The following GRB10 variants were observed in gnomAD, a reference collection of about 807,000 sequenced individuals.
The protein encoded by GRB10 is growth factor receptor bound protein 10, also known as growth factor receptor-bound protein 10.
In GRB10, 20 loss-of-function variants were observed where a neutral mutation model predicts 80.9. That is an observed-to-expected ratio of 0.25 (90% CI 0.17 to 0.36). The LOEUF (loss-of-function observed/expected upper bound fraction) is 0.36, where lower values mean the gene tolerates loss of function less well. Among genes scored for constraint, GRB10 ranks in the 10% least tolerant of loss-of-function variants. The pLI, the probability that GRB10 is intolerant of heterozygous loss-of-function variation, is 1.00. For missense variants in GRB10, 548 were observed against 747.7 expected, an observed-to-expected ratio of 0.73 and a Z score of 3.12; for synonymous variants, 291 against 291.5, an observed-to-expected ratio of 1.00 and a Z score of 0.02.
At chr7:50,667,260 C>T (rs1330450827) in intron 7 of GRB10, among the ~76,000 whole-genome samples, 1 of 152,182 alleles carries the variant, frequency 6.6e-6, no homozygotes, top group Non-Finnish European at 1.5e-5. Flanking sequence ...AATCACCTCA[C>T]TATCCCATTA....
intron 7 of GRB10, among the ~76,000 whole-genome samples, chr7:50,666,179 C>A (rs538146753): frequency 6.6e-6 from 1 of 152,278 alleles, no homozygotes; most frequent in African/African-American, 2.4e-5. Flanking sequence ...CTTAGACTAC[C>A]AACTACTCCA....
intron 7 of GRB10, among the ~76,000 whole-genome samples, chr7:50,663,736 A>G (rs145299523): frequency 2.0e-5 from 3 of 152,312 alleles, no homozygotes; most frequent in Non-Finnish European, 4.4e-5. Context: ...TATTTAATGT[A>G]ATCCTTTTTA....
In GRB10 at chr7:50,614,871, G is replaced by A; in HGVS notation, c.994C>T (p.His332Tyr). The A allele has an allele frequency of 1.2e-6, 2 of 1,611,676 alleles. No individual in the cohort carries two copies. Among genetic ancestry groups the A allele is most frequent in the Non-Finnish European group, 1.7e-6 (2 of 1,177,856 alleles). ...TCCAGGTCGGCCAGCAGCTGCAGGT[G>A]TCTGGGTTCCTGTGACAACACTGGC... ...STKGTSKEPRHLQLLADLEDS... is the reference protein window; with the variant it reads ...STKGTSKEPRYLQLLADLEDS... The change falls in exon 12 of 19, where the codon CAC (histidine) becomes TAC (tyrosine). Residue 332 changes from histidine to tyrosine, a missense_variant. Around this residue, in one of 4 missense-constraint regions of GRB10, gnomAD observed 270 missense variants for 433.6 expected, o/e 0.62. Transcript: ENST00000401949.
chr7:50,645,683 T>C (rs2057068626), intron 7 of GRB10: 1 of 923,006 alleles, frequency 1.1e-6, no homozygotes, highest in African/African-American at 1.8e-5. Context: ...ATCAGACCTC[T>C]TGGGGTCTGT....
intron 3 of GRB10, among the ~76,000 whole-genome samples, chr7:50,743,620 A>T (rs111977975): frequency 1.3e-5 from 2 of 152,320 alleles, no homozygotes; most frequent in Non-Finnish European, 2.9e-5. Context: ...CTGCATAGTT[A>T]ATTTGAGATA....
rs149911065 is a variant in GRB10 at position 50,612,098 on chromosome 7, C to T, written c.1194+643G>A. ...GGGCATTACTCTATATGCAGTACCACGTGATAAATTTCCTTTAGAACTTAC... is the reference window on the plus strand; with the variant it reads ...GGGCATTACTCTATATGCAGTACCATGTGATAAATTTCCTTTAGAACTTAC... On this transcript the variant is annotated intron_variant, in intron 13 of 18. Coordinates refer to ENST00000401949, the MANE Select transcript of GRB10 (RefSeq NM_001350814.2). Among the ~76,000 whole-genome samples, 136 of 152,340 alleles carry T rather than the reference C, an allele frequency of 8.9e-4. No homozygotes were observed. The Middle Eastern group carries it at 0.014, about 15-fold the overall frequency.
At chr7:50,748,003 C>G (rs771256926) in intron 3 of GRB10, among the ~76,000 whole-genome samples, 1 of 152,054 alleles carries the variant, frequency 6.6e-6, no homozygotes, top group South Asian at 2.1e-4. Context: ...AGGACACATG[C>G]GTGCAGGTGG....
chr7:50,742,724 G>A (rs1441611292), intron 3 of GRB10, among the ~76,000 whole-genome samples: 1 of 152,062 alleles, frequency 6.6e-6, no homozygotes, highest in African/African-American at 2.4e-5. Context: ...ATGAATCTCG[G>A]GGATGGGGAG....
chr7:50,779,500 T>G (rs2078063698), intron 2 of GRB10: 1 of 152,234 alleles, frequency 6.6e-6, no homozygotes, highest in African/African-American at 2.4e-5. Flanking sequence ...AGGCCATCCC[T>G]CTACTCACCC....
chr7:50,732,709 T>C (rs978188351), intron 3 of GRB10, among the ~76,000 whole-genome samples: 8 of 152,186 alleles, frequency 5.3e-5, no homozygotes, highest in African/African-American at 1.9e-4. Flanking sequence ...ATTAACACCC[T>C]GCAAACTTCA....
rs777067081 is a variant in GRB10 at position 50,593,105 on chromosome 7, A to G, written c.1639-7T>C. On this transcript the variant is annotated splice_region_variant and splice_polypyrimidine_tract_variant and intron_variant, in intron 18 of 18. Transcript: ENST00000401949. ...TCTGCCCGTCGTCCTCGCACTGGAG[A>G]GACACAAGAACACTTGCCAGGTTAG... is the stretch of plus-strand genomic sequence containing the variant. 4 of 1,614,040 alleles carry G rather than the reference A, an allele frequency of 2.5e-6. No individual in the cohort carries two copies. Among genetic ancestry groups the G allele is most frequent in the Admixed American group, 1.7e-5 (1 of 60,016 alleles).
At chr7:50,734,191 T>C (rs1182428685) in intron 3 of GRB10, among the ~76,000 whole-genome samples, 2 of 152,134 alleles carry the variant, frequency 1.3e-5, no homozygotes, top group African/African-American at 4.8e-5. Flanking sequence ...GGACCATGCC[T>C]GGATGTCTCC....
chr7:50,697,073 T>C (rs943949460), intron 5 of GRB10, among the ~76,000 whole-genome samples: 6 of 152,220 alleles, frequency 3.9e-5, no homozygotes, highest in Non-Finnish European at 7.3e-5. Flanking sequence ...AAATAGTGTA[T>C]GGTCCCACTT....
At chr7:50,703,768 C>T (rs2064581817) in intron 5 of GRB10, 53 bp downstream of exon 5, 1 of 1,218,352 alleles carries the variant, frequency 8.2e-7, no homozygotes, top group South Asian at 1.2e-5. Flanking sequence ...CAGATCTGGG[C>T]ACTGCTGCAA....
At chr7:50,643,675 G>A (rs1275500835) in intron 7 of GRB10, among the ~76,000 whole-genome samples, 1 of 152,182 alleles carries the variant, frequency 6.6e-6, no homozygotes, top group Non-Finnish European at 1.5e-5. Context: ...CCTGTTTTTA[G>A]TCAATAGACT....
intron 4 of GRB10, among the ~76,000 whole-genome samples, chr7:50,723,311 T>A (rs907219963): frequency 6.6e-6 from 1 of 152,218 alleles, no homozygotes; most frequent in Non-Finnish European, 1.5e-5. Flanking sequence ...TTCTCCTTCC[T>A]CTATTACTTG....
At chr7:50,701,554 G>A (rs4521715) in intron 5 of GRB10, among the ~76,000 whole-genome samples, 93,814 of 152,076 alleles carry the variant, frequency 0.62, 31,722 homozygotes, top group Middle Eastern at 0.85. Flanking sequence ...GCTGCTCTCC[G>A]GCCTGGGTGA....
At position 50,629,690 on chromosome 7, in the gene GRB10, C is replaced by T. The variant is rs1007167957; in HGVS notation, c.505-2712G>A. 6.6e-5 allele frequency among the ~76,000 whole-genome samples: 10 copies of T among 152,188 alleles called. No individual in the cohort carries two copies. The South Asian group carries it at 8.3e-4, about 13-fold the overall frequency. On this transcript the variant is annotated intron_variant, in intron 7 of 18. Transcript: ENST00000401949. Reference sequence around the variant, plus strand: ...ATGTTTGTAAGGAACACAAGAGGTACGAGGGCTCCTATTACAGGGTACTGC... The same window carrying T: ...ATGTTTGTAAGGAACACAAGAGGTATGAGGGCTCCTATTACAGGGTACTGC...
At chr7:50,673,284 G>A (rs1026996023) in intron 6 of GRB10, among the ~76,000 whole-genome samples, 2 of 152,178 alleles carry the variant, frequency 1.3e-5, no homozygotes, top group African/African-American at 2.4e-5. Context: ...AGAGAGGCAC[G>A]CAGGGTCCCA....
Sources: gnomAD v4.1 joint callset for allele counts (sites outside exome capture counted in the v4.1 genomes callset) on GRCh38, gnomAD v4.1.1 for gene constraint, gnomAD v4.1.1 regional missense constraint, MANE v1.5 for transcripts, NCBI Gene and HGNC (gene_info 2026-07-23, HGNC 2026-07-21) for gene names.